The following MBTD1 variants were observed in gnomAD, a reference collection of about 807,000 sequenced individuals.
The protein encoded by MBTD1 is MBT domain-containing protein 1.
A neutral mutation model predicts 87.8 loss-of-function variants in MBTD1; 24 were observed. The observed-to-expected ratio is 0.27, with a 90% CI of 0.20 to 0.38. The LOEUF is 0.38. Among genes scored for constraint, MBTD1 ranks in the 10% least tolerant of loss-of-function variants. The pLI is 1.00. For synonymous variants in MBTD1, 237 were observed against 248.6 expected (o/e 0.95, Z 0.44); for missense variants, 436 against 760.2 (o/e 0.57, Z 5.02).
chr17:51,200,865 A>T (rs2051446248), intron 12 of MBTD1, among the ~76,000 whole-genome samples: 1 of 134,746 alleles, frequency 7.4e-6, no homozygotes, highest in Non-Finnish European at 1.7e-5. Context: ...CCATGTCTTT[A>T]AAAAAAAAAA....
chr17:51,224,640 G>A (rs1380730963), intron 3 of MBTD1, among the ~76,000 whole-genome samples: 1 of 152,078 alleles, frequency 6.6e-6, no homozygotes, highest in African/African-American at 2.4e-5. Flanking sequence ...ATGTTAAAAC[G>A]GAAATTATAA....
chr17:51,245,490 C>T (rs937980231), intron 2 of MBTD1, among the ~76,000 whole-genome samples: 7 of 151,768 alleles, frequency 4.6e-5, no homozygotes, highest in African/African-American at 1.7e-4. Context: ...CGTATTTTTT[C>T]CTGGTATTTG....
intron 12 of MBTD1, among the ~76,000 whole-genome samples, chr17:51,197,968 A>G (rs2051232117): frequency 6.6e-6 from 1 of 152,056 alleles, no homozygotes; most frequent in Non-Finnish European, 1.5e-5. Flanking sequence ...TGTTTTGATG[A>G]CCTCATCCAC....
At position 51,192,812 on chromosome 17, in the gene MBTD1, C is replaced by T; in HGVS notation, c.1660G>A (p.Gly554Arg). The stretch of plus-strand genomic sequence containing the variant: ...GATGCTGGAGGCTGTAGTTGATATC[C>T]AGTTAACTGACACCACCCTACAGGA... ...LYPVGWCQLT[G>R]YQLQPPASQS... Residue 554 changes from glycine (G) to arginine (R), a missense_variant, in exon 15 of 17, where the codon GGA becomes AGA. By Grantham distance (125) the Gly-to-Arg change is moderately radical. Coordinates refer to ENST00000586178, the MANE Select transcript of MBTD1 (RefSeq NM_017643.3). 1 of 1,614,144 alleles carries T rather than the reference C, an allele frequency of 6.2e-7. No homozygotes were observed. Among genetic ancestry groups the T allele is most frequent in the South Asian group, 1.1e-5 (1 of 91,066 alleles).
Position 51,179,514 on chromosome 17 carries a change from A to ATTTTTATT in MBTD1, c.*1061_*1062insAATAAAAA, listed in dbSNP as rs1385266270. Reference sequence around the variant, plus strand: ...TATATATATATATATATATATATATATATATATATATATATATATATATGG... The same window carrying ATTTTTATT: ...TATATATATATATATATATATATATATTTTTATTTATATATATATATATATATATATGG... On this transcript the variant is annotated 3_prime_UTR_variant, in exon 17 of 17. Coordinates refer to ENST00000586178, the MANE Select transcript of MBTD1 (RefSeq NM_017643.3). 6.2e-5 allele frequency: 6 copies of ATTTTTATT among 96,108 alleles called. No homozygotes were observed. The highest frequency in any genetic ancestry group is 2.7e-4 in the African/African-American group (6 of 22,214). 6.0% of individuals were successfully genotyped at this position (96,108 alleles called of 1,614,324 possible). A position where few individuals can be genotyped will look rare whatever the true frequency, so the allele number is the denominator to read the frequency against.
At chr17:51,260,947 CG>C (rs749879591), upstream of MBTD1, 7 of 1,504,228 alleles carry the variant, frequency 4.7e-6, no homozygotes, top group South Asian at 7.6e-5. Flanking sequence ...CCGCGGCGCG[CG>C]GGCTGGGCGC....
At position 51,195,359 on chromosome 17, in the gene MBTD1, C is replaced by T; in HGVS notation, c.1227G>A (p.Val409=). Residue 409 remains valine, a splice_region_variant and synonymous_variant, in exon 13 of 17, where the codon GTG becomes GTA. Transcript: ENST00000586178. ...STICVATIRK[V]LADGFLMIGI... ...CAATCATCAGGAATCCGTCAGCTAG[C>T]ACCTTTTCAATGAAGAGAATTCTAA... The T allele has an allele frequency of 1.3e-6, 2 of 1,590,504 alleles. No individual in the cohort carries two copies. The highest frequency in any genetic ancestry group is 1.7e-6 in the Non-Finnish European group (2 of 1,168,996).
chr17:51,217,469 A>T, intron 5 of MBTD1, 53 bp from the exon 6 acceptor site: 1 of 859,068 alleles, frequency 1.2e-6, no homozygotes, highest in Non-Finnish European at 1.8e-6. Flanking sequence ...TTTATTTATA[A>T]GAAGGTTATC....
In MBTD1 at chr17:51,203,415, A is replaced by G. The variant is rs563468268; in HGVS notation, c.740-187T>C. Among the ~76,000 whole-genome samples, 528 of 152,222 alleles carry G rather than the reference A, an allele frequency of 3.5e-3. 6 individuals carry two copies. Among genetic ancestry groups the G allele is most frequent in the African/African-American group, 0.012 (486 of 41,540 alleles). ...GCTTAACACCAAAAAAACTATTTTA[A>G]TTTCTTTCTTTTTTTTTGAGATGGA... On this transcript the variant is annotated intron_variant, in intron 8 of 16. Transcript: ENST00000586178.
intron 2 of MBTD1, among the ~76,000 whole-genome samples, chr17:51,252,341 G>A (rs1217456356): frequency 1.3e-5 from 2 of 152,000 alleles, no homozygotes; most frequent in African/African-American, 4.8e-5. Context: ...CCCCAATACT[G>A]GTTCTGTCAG....
At chr17:51,216,809 C>T (rs547077950) in intron 6 of MBTD1, among the ~76,000 whole-genome samples, 14 of 152,278 alleles carry the variant, frequency 9.2e-5, no homozygotes, top group Admixed American at 9.2e-4. Context: ...GTCTTGAACT[C>T]CTGACCTCAA....
At chr17:51,227,821 G>A (rs979848389) in intron 2 of MBTD1, among the ~76,000 whole-genome samples, 2 of 150,544 alleles carry the variant, frequency 1.3e-5, no homozygotes, top group African/African-American at 4.9e-5. Flanking sequence ...GCGTGGTGGT[G>A]CATGCCTGTA....
rs1402022946 is a variant in MBTD1, at chr17:51,225,078, T to C, written c.84A>G (p.Leu28=). The part of the protein sequence containing the change: ...SEESEEEVAP[L]PSNLPIIKNN... ...TTTTGATAATCGGGAGATTAGAAGG[T>C]AAAGGAGCGACTTCTTCCTCACTCT... The change falls in exon 3 of 17, where the codon TTA becomes TTG. Residue 28 remains leucine (L), a synonymous_variant. Transcript: ENST00000586178. The C allele has an allele frequency of 1.3e-6, 2 of 1,551,592 alleles. No individual in the cohort carries two copies. The highest frequency in any genetic ancestry group is 2.7e-5 in the African/African-American group (2 of 73,008).
chr17:51,235,804 G>C lies in MBTD1; in HGVS notation c.-48-10595C>G, dbSNP rs72826481. ...ATTTTTGGGTAAAAATCAAAAGCTTGTTCTAAAATTCATATGGAACTGCAA... is the reference window on the plus strand; with the variant it reads ...ATTTTTGGGTAAAAATCAAAAGCTTCTTCTAAAATTCATATGGAACTGCAA... On this transcript the variant is annotated intron_variant, in intron 2 of 16. Coordinates refer to ENST00000586178, the MANE Select transcript of MBTD1 (RefSeq NM_017643.3). Among the ~76,000 whole-genome samples the C allele has an allele frequency of 5.1e-3, 772 of 152,254 alleles. 7 individuals are homozygous for C. The highest frequency in any genetic ancestry group is 7.9e-3 in the Non-Finnish European group (538 of 67,998).
Position 51,179,679 on chromosome 17 carries a change from C to T in MBTD1, c.*897G>A, listed in dbSNP as rs1190801032. The T allele has an allele frequency of 6.6e-6, 1 of 151,250 alleles. No individual in the cohort carries two copies. Among genetic ancestry groups the T allele is most frequent in the Admixed American group, 6.6e-5 (1 of 15,124 alleles). The allele number at this position is 151,250 out of a possible 1,614,324, so 9.4% of individuals were successfully genotyped here. The stretch of plus-strand genomic sequence containing the variant: ...TCAATTCGATTCTCCTAATACAGAA[C>T]ATCTGTTTTTGGTTGTGGTTATACG... On this transcript the variant is annotated 3_prime_UTR_variant, in exon 17 of 17. Coordinates refer to ENST00000586178, the MANE Select transcript of MBTD1 (RefSeq NM_017643.3).
intron 12 of MBTD1, among the ~76,000 whole-genome samples, chr17:51,196,249 G>A (rs1319938987): frequency 6.9e-6 from 1 of 145,448 alleles, no homozygotes; most frequent in Non-Finnish European, 1.5e-5. Flanking sequence ...TTTTGAGACA[G>A]AGTTTCCCTC....
In MBTD1 at chr17:51,187,503, T is replaced by C. The variant is rs144559934; in HGVS notation, c.1768+4700A>G. 3.8e-4 allele frequency among the ~76,000 whole-genome samples: 57 copies of C among 151,900 alleles called. 1 individual carries two copies. In the East Asian group the frequency reaches 7.0e-3, roughly 19 times the overall value. ...TGCTTTTGCCAACCAAAAAAAATAC[T>C]CTGAACTCTGCAAATATTGAAGAAC... On this transcript the variant is annotated intron_variant, in intron 16 of 16. Coordinates refer to ENST00000586178, the MANE Select transcript of MBTD1 (RefSeq NM_017643.3).
intron 5 of MBTD1, among the ~76,000 whole-genome samples, chr17:51,218,527 T>G (rs2052704505): frequency 1.6e-5 from 1 of 61,900 alleles, no homozygotes; most frequent in Admixed American, 2.6e-4. Context: ...AGACTCTGTC[T>G]CCAAAAAAAA....
At chr17:51,260,881 C>A, upstream of MBTD1, 1 of 1,600,050 alleles carries the variant, frequency 6.2e-7, no homozygotes, top group South Asian at 1.1e-5. Flanking sequence ...TCGGCGACGT[C>A]GAGAACGACG....
Sources: allele counts gnomAD v4.1 joint callset (sites outside exome capture counted in the v4.1 genomes callset), GRCh38; gene constraint gnomAD v4.1.1; transcripts MANE v1.5; gene names NCBI Gene and HGNC (gene_info 2026-07-23, HGNC 2026-07-21).